The following ZNF81 variants were observed in gnomAD, a reference collection of about 807,000 sequenced individuals.
ZNF81 encodes zinc finger protein 81 (HFZ20).
ZNF81 carries 5 observed loss-of-function variants against 32.3 expected under a neutral mutation model. The observed-to-expected ratio is 0.15, with a 90% CI of 0.08 to 0.33. The LOEUF is 0.33. Ranked by LOEUF, ZNF81 falls within the 10% of genes least tolerant of loss-of-function variation. ZNF81 has a pLI of 1.00. For synonymous variants in ZNF81, 163 were observed against 166.8 expected, an observed-to-expected ratio of 0.98 and a Z score of 0.17; for missense variants, 379 against 479.8, an observed-to-expected ratio of 0.79 and a Z score of 1.96.
chrX:47,887,807 TAGC>T (rs1556885966), intron 2 of ZNF81, among the ~76,000 whole-genome samples, 189 bp from the exon 3 acceptor site: 2 of 111,959 alleles, frequency 1.8e-5, no homozygotes, highest in Non-Finnish European at 3.8e-5. Flanking sequence ...ACATAATAAA[TAGC>T]AGAAATTTAT....
At chrX:47,851,774 A>C (rs2058496538) in intron 2 of ZNF81, among the ~76,000 whole-genome samples, 1 of 112,284 alleles carries the variant, frequency 8.9e-6, no homozygotes, top group Admixed American at 9.5e-5. Context: ...TGTATTTGGG[A>C]AAAAAACCCT....
chrX:47,896,085 G>A (rs373923950), intron 4 of ZNF81, 145 bp downstream of exon 4: 1 of 453,699 alleles, frequency 2.2e-6, no homozygotes. Flanking sequence ...GGCCTCTCGG[G>A]TGCCAAATTG....
rs782696395 is a variant in ZNF81, at chrX:47,887,966, C to A, written c.55-33C>A. On this transcript the variant is annotated intron_variant, in intron 2 of 4. Coordinates refer to ENST00000338637, the MANE Select transcript of ZNF81 (RefSeq NM_007137.5). ...TTTCTCTCCATCCTCCAGTGCTGAT[C>A]ATGTTGCCTTGAACAAGATTGTGTT... is the stretch of plus-strand genomic sequence containing the variant. The A allele has an allele frequency of 6.6e-6, 8 of 1,211,191 alleles. No homozygotes were observed. In the South Asian group the frequency reaches 1.4e-4, roughly 21 times the overall value.
rs2058768972 is a variant in ZNF81 at position 47,919,500 on chromosome X, C to T, written c.*2868C>T. ...TTTCCCCTTTACCCTTTGTCTTAGT[C>T]AGTTTGAGCTGCTATAATAAAGCAC... On this transcript the variant is annotated 3_prime_UTR_variant, in exon 5 of 5. Coordinates refer to ENST00000338637, the MANE Select transcript of ZNF81 (RefSeq NM_007137.5). 1 of 167,594 alleles carries T rather than the reference C, an allele frequency of 6.0e-6. No individual in the cohort carries two copies. Among genetic ancestry groups the T allele is most frequent in the East Asian group, 1.7e-4 (1 of 5,809 alleles). The allele number at this position is 167,594 out of a possible 1,213,427, so 13.8% of individuals were successfully genotyped here.
At chrX:47,882,477 G>T (rs1171310841) in intron 2 of ZNF81, among the ~76,000 whole-genome samples, 1 of 111,774 alleles carries the variant, frequency 8.9e-6, no homozygotes. Context: ...CTTTTTTGTT[G>T]CTGAGTATTC....
rs980705670 is a variant in ZNF81 at position 47,846,402 on chromosome X, T to C, written c.54+81T>C. Reference sequence around the variant, plus strand: ...AAGATACTACCTCATAGTTTTCATTTCTAGTACTTTTTTTAGCAGGCAGGA... The same window carrying C: ...AAGATACTACCTCATAGTTTTCATTCCTAGTACTTTTTTTAGCAGGCAGGA... On this transcript the variant is annotated intron_variant, in intron 2 of 4. Transcript: ENST00000338637. The C allele has an allele frequency of 2.3e-5, 25 of 1,091,444 alleles. No homozygotes were observed. In the East Asian group the frequency reaches 7.6e-4, roughly 33 times the overall value. 89.9% of individuals were successfully genotyped at this position (1,091,444 alleles called of 1,213,427 possible).
rs782188861 is a variant in ZNF81 at position 47,839,235 on chromosome X, C to T, written c.-164+2248C>T. Reference sequence around the variant, plus strand: ...ATTTGGTAGACTTCTCCAGTGAAGCCATCTGGGCCTGGAAACTTCCATTTG... The same window carrying T: ...ATTTGGTAGACTTCTCCAGTGAAGCTATCTGGGCCTGGAAACTTCCATTTG... On this transcript the variant is annotated intron_variant, in intron 1 of 4. Transcript: ENST00000338637. Among the ~76,000 whole-genome samples the T allele has an allele frequency of 6.3e-5, 7 of 111,712 alleles. No individual in the cohort carries two copies. In the East Asian group the frequency reaches 1.9e-3, roughly 31 times the overall value.
At chrX:47,842,774 TGCCACCATGCCTA>T (rs1375831209) in intron 1 of ZNF81, 4 of 110,996 alleles carry the variant, frequency 3.6e-5, no homozygotes, top group African/African-American at 1.3e-4. Flanking sequence ...TACAGGTGCG[TGCCACCATGCCTA>T]GCTAATTTTT....
rs192607292 is a variant in ZNF81, at chrX:47,897,226, C to T, written c.277+1286C>T. ...AAGGATTCCTCTTGCTCTACATCCT[C>T]GTCAACACTTGTTATCATCAAACTC... On this transcript the variant is annotated intron_variant, in intron 4 of 4. Transcript: ENST00000338637. 5.3e-5 allele frequency among the ~76,000 whole-genome samples: 6 copies of T among 112,269 alleles called. No individual in the cohort carries two copies. In the East Asian group the frequency reaches 1.4e-3, roughly 26 times the overall value.
At chrX:47,900,621 C>A (rs781813484) in intron 4 of ZNF81, among the ~76,000 whole-genome samples, 2 of 111,615 alleles carry the variant, frequency 1.8e-5, no homozygotes, top group Non-Finnish European at 3.8e-5. Context: ...TGGATTGCGT[C>A]CTGAACATTA....
chrX:47,913,133 G>A (rs2058744805), intron 4 of ZNF81, among the ~76,000 whole-genome samples: 2 of 111,955 alleles, frequency 1.8e-5, no homozygotes, highest in Admixed American at 9.5e-5. Flanking sequence ...TTATAGACAT[G>A]AATAAATTAT....
rs1423584126 is a variant in ZNF81, at chrX:47,918,803, G to A, written c.*2171G>A. ...TGTGCCCTAATCAAGAAACGTATCTGCCCCTGGAGCCAAGGGAACCGACAA... is the reference window on the plus strand; with the variant it reads ...TGTGCCCTAATCAAGAAACGTATCTACCCCTGGAGCCAAGGGAACCGACAA... On this transcript the variant is annotated 3_prime_UTR_variant, in exon 5 of 5. Coordinates refer to ENST00000338637, the MANE Select transcript of ZNF81 (RefSeq NM_007137.5). 8.4e-6 allele frequency: 1 copy of A among 118,442 alleles called. No homozygotes were observed. Among genetic ancestry groups the A allele is most frequent in the African/African-American group, 3.2e-5 (1 of 30,817 alleles). 9.8% of individuals were successfully genotyped at this position (118,442 alleles called of 1,213,427 possible). A position where few individuals can be genotyped will look rare whatever the true frequency, so the allele number is the denominator to read the frequency against.
intron 3 of ZNF81, among the ~76,000 whole-genome samples, chrX:47,890,126 T>C (rs1305382116): frequency 2.7e-5 from 3 of 111,849 alleles, no homozygotes; most frequent in Non-Finnish European, 5.6e-5. Flanking sequence ...CTACCCACTT[T>C]GGGGTACATT....
intron 1 of ZNF81, among the ~76,000 whole-genome samples, chrX:47,845,242 T>C (rs1556880281): frequency 1.7e-4 from 19 of 111,839 alleles, no homozygotes; most frequent in Non-Finnish European, 2.8e-4. Context: ...TTTAAGTAGA[T>C]ATTTTTCCTT....
chrX:47,869,122 A>G (rs2058571070), intron 2 of ZNF81, among the ~76,000 whole-genome samples: 1 of 112,414 alleles, frequency 8.9e-6, no homozygotes, highest in African/African-American at 3.2e-5. Flanking sequence ...TTTGATTGTC[A>G]TATAGTTAAC....
chrX:47,844,519 T>G (rs1295931813), intron 1 of ZNF81, among the ~76,000 whole-genome samples: 1 of 112,616 alleles, frequency 8.9e-6, no homozygotes, highest in Non-Finnish European at 1.9e-5. Context: ...TATTACCAAA[T>G]GTTATAATAT....
Position 47,895,879 on chromosome X carries a change from G to A in ZNF81, c.216G>A (p.Lys72=), listed in dbSNP as rs782802456. 2.1e-4 allele frequency: 251 copies of A among 1,209,479 alleles called. 1 individual carries two copies. In the South Asian group the frequency reaches 2.4e-3, roughly 11 times the overall value. The change falls in exon 4 of 5, where the codon AAG becomes AAA. Residue 72 remains lysine, a synonymous_variant. Coordinates refer to ENST00000338637, the MANE Select transcript of ZNF81 (RefSeq NM_007137.5). ...TTCCTAAACCAGAGGTCATCTTCAA[G>A]TTGGAGCAAGGAGAGGGGCCATGGA... is the stretch of plus-strand genomic sequence containing the variant. The part of the protein sequence containing the change: ...FEVPKPEVIF[K]LEQGEGPWTL...
At chrX:47,846,450 T>C (rs913203169) in intron 2 of ZNF81, 129 bp downstream of exon 2, 41 of 715,123 alleles carry the variant, frequency 5.7e-5, no homozygotes, top group Non-Finnish European at 8.6e-5. Context: ...ACCCTCATTT[T>C]TATTGGTCAT....
At chrX:47,868,326 AGATG>A (rs1556883497) in intron 2 of ZNF81, among the ~76,000 whole-genome samples, 1 of 109,096 alleles carries the variant, frequency 9.2e-6, no homozygotes, top group Non-Finnish European at 1.9e-5. Context: ...TCTATTAAGT[AGATG>A]CTTTTTTTTA....
Sources: gnomAD v4.1 joint callset for allele counts (sites outside exome capture counted in the v4.1 genomes callset) on GRCh38, gnomAD v4.1.1 for gene constraint, MANE v1.5 for transcripts, NCBI Gene and HGNC (gene_info 2026-07-23, HGNC 2026-07-21) for gene names.